The following GLIS3 variants were observed in gnomAD, a reference collection of about 807,000 sequenced individuals.
The protein encoded by GLIS3 is GLIS family zinc finger 3.
Under a neutral mutation model 78.6 loss-of-function variants are expected in GLIS3, and 53 were observed. The ratio of observed to expected loss-of-function variants is 0.67; its 90% CI spans 0.54 to 0.85. GLIS3 has a LOEUF of 0.85. Ranked by LOEUF, GLIS3 falls within the 40% of genes least tolerant of loss-of-function variation. GLIS3 has a pLI of 0.00. For synonymous variants in GLIS3, 684 were observed against 509.9 expected (o/e 1.34, Z -4.60); for missense variants, 1,703 against 1,231.1 (o/e 1.38, Z -5.74).
intron 2 of GLIS3, among the ~76,000 whole-genome samples, chr9:4,238,599 T>C (rs1411208740): frequency 1.3e-5 from 2 of 152,156 alleles, no homozygotes; most frequent in African/African-American, 2.4e-5. Flanking sequence ...TTCTGGGAAG[T>C]AGAATAAGTT....
At chr9:4,367,645 A>AAAAAAAAAAAAAAAAC in the GLIS3 span, among the ~76,000 whole-genome samples, 1 of 151,194 alleles carries the variant, frequency 6.6e-6, no homozygotes. Context: ...AAAAAAAAAA[A>AAAAAAAAAAAAAAAAC]AAAAAAAAAA....
chr9:4,189,189 A>G (rs927426455), intron 2 of GLIS3, among the ~76,000 whole-genome samples: 1 of 151,502 alleles, frequency 6.6e-6, no homozygotes, highest in African/African-American at 2.4e-5. Flanking sequence ...AGATTCTGGT[A>G]TGTTGTGTCT....
At chr9:4,290,168 T>G (rs1217031967) in intron 1 of GLIS3, among the ~76,000 whole-genome samples, 1 of 152,154 alleles carries the variant, frequency 6.6e-6, no homozygotes, top group African/African-American at 2.4e-5. Flanking sequence ...GAGTCATAAC[T>G]CATCTGATGA....
intron 2 of GLIS3, among the ~76,000 whole-genome samples, chr9:4,262,242 G>A (rs1825600032): frequency 6.6e-6 from 1 of 152,088 alleles, no homozygotes. Context: ...CATTTCTTGA[G>A]GCCCCCAACA....
chr9:4,198,009 C>T (rs1351187836), intron 2 of GLIS3, among the ~76,000 whole-genome samples: 3 of 152,164 alleles, frequency 2.0e-5, no homozygotes, highest in African/African-American at 7.2e-5. Flanking sequence ...AAAATTCCTG[C>T]CTGCATGAAA....
the GLIS3 span, among the ~76,000 whole-genome samples, chr9:4,362,205 G>C: frequency 4.8e-4 from 73 of 152,182 alleles, no homozygotes; most frequent in Admixed American, 2.8e-3. Flanking sequence ...AGTGGAAAGG[G>C]GGAGATTTTT....
intron 5 of GLIS3, among the ~76,000 whole-genome samples, chr9:3,933,792 A>T (rs1164736934): frequency 1.3e-5 from 2 of 152,246 alleles, no homozygotes; most frequent in African/African-American, 4.8e-5. Context: ...GTGAGCAAAC[A>T]AATAAGTGGA....
the GLIS3 span, among the ~76,000 whole-genome samples, chr9:4,410,693 G>A: frequency 2.6e-5 from 4 of 152,110 alleles, no homozygotes; most frequent in African/African-American, 7.2e-5. Flanking sequence ...AGTGATCAGG[G>A]GACGTTGTCA....
chr9:4,087,113 G>A (rs977348162), intron 4 of GLIS3, among the ~76,000 whole-genome samples: 1 of 152,148 alleles, frequency 6.6e-6, no homozygotes, highest in African/African-American at 2.4e-5. Flanking sequence ...ATATTTGTTT[G>A]CAGCCAATAA....
chr9:4,473,730 T>G, the GLIS3 span, among the ~76,000 whole-genome samples: 1 of 151,972 alleles, frequency 6.6e-6, no homozygotes, highest in East Asian at 1.9e-4. Context: ...CAAACCCCTG[T>G]GACATGAGTT....
intron 8 of GLIS3, among the ~76,000 whole-genome samples, chr9:3,868,874 T>C (rs1246655364): frequency 2.0e-5 from 3 of 150,234 alleles, no homozygotes; most frequent in African/African-American, 7.4e-5. Context: ...CATAGTCTTC[T>C]TGCCTGTAGG....
At chr9:4,309,126 G>T (rs951515765) in intron 3 of GLIS3, among the ~76,000 whole-genome samples, 7 of 152,108 alleles carry the variant, frequency 4.6e-5, no homozygotes, top group Admixed American at 3.3e-4. Flanking sequence ...CATCATCTCC[G>T]AATTGTTACT....
intron 2 of GLIS3, among the ~76,000 whole-genome samples, chr9:4,199,673 C>G (rs1184662041): frequency 6.6e-6 from 1 of 151,774 alleles, no homozygotes; most frequent in Non-Finnish European, 1.5e-5. Flanking sequence ...ACTTCTAGAC[C>G]TACAAAAAAG....
At chr9:4,171,564 T>C (rs1816377900) in intron 2 of GLIS3, among the ~76,000 whole-genome samples, 1 of 152,206 alleles carries the variant, frequency 6.6e-6, no homozygotes, top group Non-Finnish European at 1.5e-5. Flanking sequence ...GCTGGTTGAT[T>C]TCGTTAAAGG....
chr9:3,829,029 C>T (rs1427736834), intron 10 of GLIS3, among the ~76,000 whole-genome samples: 1 of 151,892 alleles, frequency 6.6e-6, no homozygotes, highest in Non-Finnish European at 1.5e-5. Context: ...GTATGGAGGG[C>T]AGAATGGTAA....
the GLIS3 span, among the ~76,000 whole-genome samples, chr9:4,397,030 T>TTTTC: frequency 5.9e-4 from 69 of 116,602 alleles, 1 homozygote; most frequent in Admixed American, 2.9e-3. Flanking sequence ...TTTTCTTTTT[T>TTTTC]TTTTTTTTTT....
At chr9:4,335,005 T>C (rs527910703) in intron 2 of GLIS3, among the ~76,000 whole-genome samples, 1 of 143,224 alleles carries the variant, frequency 7.0e-6, no homozygotes, top group East Asian at 2.1e-4. Flanking sequence ...ACCTCCCGGG[T>C]TCATGCCATT....
chr9:3,939,993 G>A (rs1387212355), intron 4 of GLIS3, among the ~76,000 whole-genome samples: 1 of 152,174 alleles, frequency 6.6e-6, no homozygotes, highest in African/African-American at 2.4e-5. Context: ...TGCCGAAAGA[G>A]AAAGGAGGTG....
intron 4 of GLIS3, among the ~76,000 whole-genome samples, chr9:3,963,826 G>A (rs971112057): frequency 6.6e-6 from 1 of 151,848 alleles, no homozygotes; most frequent in African/African-American, 2.4e-5. Context: ...CTGTAAATAA[G>A]CCCTTCGGAG....
Sources: gnomAD v4.1 joint callset for allele counts (sites outside exome capture counted in the v4.1 genomes callset) on GRCh38, gnomAD v4.1.1 for gene constraint, MANE v1.5 for transcripts, NCBI Gene and HGNC (gene_info 2026-07-23, HGNC 2026-07-21) for gene names.